Variants in TMEM117 observed in about 807,000 individuals in gnomAD.
TMEM117 encodes transmembrane protein 117.
In TMEM117, 27 loss-of-function variants were observed where a neutral mutation model predicts 52.4. The ratio of observed to expected loss-of-function variants is 0.51; its 90% CI spans 0.38 to 0.71. The LOEUF is 0.71. TMEM117 is among the 30% of genes least tolerant of loss of function. The pLI is 0.00. For synonymous variants in TMEM117, 215 were observed against 206.3 expected, an observed-to-expected ratio of 1.04 and a Z score of -0.36; for missense variants, 556 against 630.5, an observed-to-expected ratio of 0.88 and a Z score of 1.26.
At chr12:44,137,506 G>A (rs1948508159) in intron 3 of TMEM117, among the ~76,000 whole-genome samples, 1 of 152,072 alleles carries the variant, frequency 6.6e-6, no homozygotes, top group Admixed American at 6.6e-5. Context: ...TCTTATCCAT[G>A]TTGTCTTAGT....
At chr12:44,263,996 A>G (rs1035282950) in intron 5 of TMEM117, 19 of 152,212 alleles carry the variant, frequency 1.2e-4, no homozygotes, top group African/African-American at 4.6e-4. Context: ...CTCAATTAGA[A>G]TCCCTGTTTT....
intron 5 of TMEM117, among the ~76,000 whole-genome samples, chr12:44,258,107 C>G (rs1002551424): frequency 6.6e-6 from 1 of 152,012 alleles, no homozygotes; most frequent in African/African-American, 2.4e-5. Context: ...ATTTCTTTAT[C>G]TTGGCTTAGC....
chr12:44,275,330 C>T (rs894511395), intron 5 of TMEM117, among the ~76,000 whole-genome samples: 3 of 152,016 alleles, frequency 2.0e-5, no homozygotes, highest in African/African-American at 7.2e-5. Flanking sequence ...AAAGGGAACC[C>T]TCATACACTG....
intron 4 of TMEM117, among the ~76,000 whole-genome samples, chr12:44,162,046 A>G (rs371423940): frequency 9.8e-5 from 15 of 152,290 alleles, no homozygotes; most frequent in Admixed American, 5.2e-4. Context: ...TATGCCTGTT[A>G]TTTGAAACTA....
At chr12:43,959,160 T>C (rs985914621) in intron 3 of TMEM117, among the ~76,000 whole-genome samples, 14 of 152,040 alleles carry the variant, frequency 9.2e-5, no homozygotes, top group African/African-American at 3.1e-4. Flanking sequence ...CAAGGATAAA[T>C]AGGAAAAATA....
intron 3 of TMEM117, among the ~76,000 whole-genome samples, chr12:43,964,703 T>G (rs1431563974): frequency 2.0e-5 from 3 of 152,166 alleles, no homozygotes; most frequent in African/African-American, 7.2e-5. Flanking sequence ...TCAGGATTAG[T>G]TAGACATTGG....
chr12:43,977,645 C>G (rs191145586), intron 3 of TMEM117, among the ~76,000 whole-genome samples: 1 of 152,074 alleles, frequency 6.6e-6, no homozygotes, highest in Non-Finnish European at 1.5e-5. Flanking sequence ...CATATTCCCC[C>G]TTTTTTGTTT....
chr12:43,798,452 T>C, the TMEM117 span: 6 of 983,466 alleles, frequency 6.1e-6, no homozygotes, highest in Admixed American at 6.5e-5. Flanking sequence ...TCATTCGCAG[T>C]GTTGCAACAG....
chr12:44,053,735 G>T (rs764285335), intron 3 of TMEM117, among the ~76,000 whole-genome samples: 48 of 152,032 alleles, frequency 3.2e-4, no homozygotes, highest in Admixed American at 1.9e-3. Context: ...AAATTCCAAG[G>T]GTTTATGAAA....
At chr12:43,816,461 C>G in the TMEM117 span, among the ~76,000 whole-genome samples, 5 of 152,226 alleles carry the variant, frequency 3.3e-5, no homozygotes, top group Non-Finnish European at 7.4e-5. Flanking sequence ...TACTCACCTT[C>G]TGTCCACTAC....
chr12:43,825,245 G>A, the TMEM117 span, among the ~76,000 whole-genome samples: 1 of 152,188 alleles, frequency 6.6e-6, no homozygotes, highest in East Asian at 1.9e-4. Context: ...AGTTTACAAG[G>A]GTTGGCGTAG....
chr12:43,900,908 C>T (rs955529541), intron 2 of TMEM117, among the ~76,000 whole-genome samples: 7 of 151,930 alleles, frequency 4.6e-5, no homozygotes, highest in African/African-American at 1.7e-4. Context: ...ACCTACTATT[C>T]GAAGACTCTT....
At chr12:44,080,769 G>A (rs1947469150) in intron 3 of TMEM117, among the ~76,000 whole-genome samples, 1 of 152,136 alleles carries the variant, frequency 6.6e-6, no homozygotes, top group Non-Finnish European at 1.5e-5. Context: ...CTTAAGTAAA[G>A]TTTTATTGGA....
intron 5 of TMEM117, among the ~76,000 whole-genome samples, chr12:44,271,853 A>G (rs1288758993): frequency 6.6e-6 from 1 of 152,146 alleles, no homozygotes; most frequent in African/African-American, 2.4e-5. Context: ...AGGGGTTAAT[A>G]TATGAAATAT....
chr12:44,049,987 A>G (rs1395605829), intron 3 of TMEM117, among the ~76,000 whole-genome samples: 1 of 152,200 alleles, frequency 6.6e-6, no homozygotes, highest in Non-Finnish European at 1.5e-5. Flanking sequence ...TTAGTGTTTG[A>G]TTCTGATTAG....
At chr12:44,205,646 C>T (rs192212871) in intron 4 of TMEM117, among the ~76,000 whole-genome samples, 3 of 152,136 alleles carry the variant, frequency 2.0e-5, no homozygotes, top group Admixed American at 2.0e-4. Flanking sequence ...ACATGGCCAA[C>T]AAGCATATGA....
rs186912546 is a variant in TMEM117, at chr12:43,993,076, G to A, written c.410+48734G>A. Among the ~76,000 whole-genome samples, 403 of 152,334 alleles carry A rather than the reference G, an allele frequency of 2.6e-3. 4 individuals carry two copies. Among genetic ancestry groups the A allele is most frequent in the African/African-American group, 9.1e-3 (379 of 41,580 alleles). ...AGAAAGTAGACACTGCCTTGATTATGTAGGCAGAGAAAAGGTCACATAAAT... is the reference window on the plus strand; with the variant it reads ...AGAAAGTAGACACTGCCTTGATTATATAGGCAGAGAAAAGGTCACATAAAT... On this transcript the variant is annotated intron_variant, in intron 3 of 7. Transcript: ENST00000266534.
At chr12:43,885,663 G>T in intron 2 of TMEM117, among the ~76,000 whole-genome samples, 1 of 150,482 alleles carries the variant, frequency 6.6e-6, no homozygotes. Context: ...TGGCTTTTTG[G>T]CTAAGACCAA....
At chr12:43,858,927 A>G (rs1592312128) in intron 2 of TMEM117, among the ~76,000 whole-genome samples, 1 of 152,292 alleles carries the variant, frequency 6.6e-6, no homozygotes, top group East Asian at 1.9e-4. Context: ...ATCAAATATG[A>G]TAATTGCCAG....
Sources: allele counts gnomAD v4.1 joint callset (sites outside exome capture counted in the v4.1 genomes callset), GRCh38; gene constraint gnomAD v4.1.1; transcripts MANE v1.5; gene names NCBI Gene and HGNC (gene_info 2026-07-23, HGNC 2026-07-21).